The following FSIP1 variants were observed in gnomAD, a reference collection of about 807,000 sequenced individuals.
FSIP1 encodes the protein fibrous sheath interacting protein 1, also known as fibrous sheath-interacting protein 1.
In FSIP1, 65 loss-of-function variants were observed where a neutral mutation model predicts 60.9. The observed-to-expected ratio is 1.07, with a 90% CI of 0.87 to 1.31. The LOEUF is 1.31. Ranked by LOEUF, FSIP1 falls within the 40% of genes most tolerant of loss-of-function variation. The pLI is 0.00. For missense variants in FSIP1, 675 were observed against 665.5 expected (o/e 1.01, Z -0.16); for synonymous variants, 209 against 221.2 (o/e 0.94, Z 0.49).
intron 10 of FSIP1, among the ~76,000 whole-genome samples, chr15:39,627,320 T>G (rs1470666823): frequency 3.9e-5 from 6 of 152,220 alleles, no homozygotes; most frequent in Non-Finnish European, 8.8e-5. Context: ...CCATGGCCCC[T>G]CAAGTCACCC....
chr15:39,740,944 A>G (rs1203127875), intron 6 of FSIP1, among the ~76,000 whole-genome samples: 1 of 152,026 alleles, frequency 6.6e-6, no homozygotes, highest in African/African-American at 2.4e-5. Context: ...AGGCAAATAA[A>G]CCTATGCTTT....
chr15:39,626,674 T>C (rs968547090), intron 10 of FSIP1, among the ~76,000 whole-genome samples: 2 of 152,200 alleles, frequency 1.3e-5, no homozygotes, highest in African/African-American at 2.4e-5. Context: ...CCGTGTGCTC[T>C]CTCTCTTGCC....
chr15:39,744,777 T>TCACACACACACACA (rs55691651), intron 5 of FSIP1, among the ~76,000 whole-genome samples: 3,449 of 137,978 alleles, frequency 0.025, 126 homozygotes, highest in Admixed American at 0.065. Flanking sequence ...TCCCCCTCAG[T>TCACACACACACACA]CACACACACA....
intron 10 of FSIP1, among the ~76,000 whole-genome samples, chr15:39,633,469 T>A (rs1022784824): frequency 1.3e-5 from 2 of 152,170 alleles, no homozygotes; most frequent in Non-Finnish European, 2.9e-5. Flanking sequence ...CTTAACTGAA[T>A]TCAACAGTTA....
At chr15:39,682,721 T>C (rs972247183) in intron 10 of FSIP1, among the ~76,000 whole-genome samples, 3 of 152,226 alleles carry the variant, frequency 2.0e-5, no homozygotes, top group African/African-American at 7.2e-5. Flanking sequence ...CCAAAATAAA[T>C]TGCAATTTAA....
At chr15:39,780,639 C>T (rs960570657) in intron 1 of FSIP1, among the ~76,000 whole-genome samples, 5 of 152,210 alleles carry the variant, frequency 3.3e-5, no homozygotes, top group Non-Finnish European at 1.5e-5. Context: ...CATCAGTTCA[C>T]TTAGGTGGTA....
intron 6 of FSIP1, 105 bp downstream of exon 6, chr15:39,741,700 T>C: frequency 1.6e-6 from 1 of 629,728 alleles, no homozygotes; most frequent in Non-Finnish European, 2.8e-6. Flanking sequence ...TGCTTCCACT[T>C]ACCTTTGGAT....
intron 11 of FSIP1, among the ~76,000 whole-genome samples, chr15:39,616,646 T>C (rs1891241833): frequency 1.3e-5 from 2 of 152,114 alleles, no homozygotes; most frequent in African/African-American, 4.8e-5. Context: ...TACTTAGAGA[T>C]TGATTAGGAA....
At chr15:39,639,582 C>T (rs981001046) in intron 10 of FSIP1, among the ~76,000 whole-genome samples, 1 of 152,190 alleles carries the variant, frequency 6.6e-6, no homozygotes, top group African/African-American at 2.4e-5. Context: ...AGTGAATATG[C>T]TAGGGTTTCT....
At chr15:39,680,524 A>G (rs1425290328) in intron 10 of FSIP1, among the ~76,000 whole-genome samples, 1 of 152,192 alleles carries the variant, frequency 6.6e-6, no homozygotes, top group Non-Finnish European at 1.5e-5. Context: ...ATTACGCACA[A>G]CTTCTCAGTC....
At chr15:39,672,394 G>A (rs1014447631) in intron 10 of FSIP1, among the ~76,000 whole-genome samples, 1 of 152,224 alleles carries the variant, frequency 6.6e-6, no homozygotes, top group Admixed American at 6.5e-5. Flanking sequence ...GCTTGGCTGT[G>A]AGCAACACTA....
chr15:39,678,289 T>A (rs1446612878), intron 10 of FSIP1, among the ~76,000 whole-genome samples: 2 of 152,054 alleles, frequency 1.3e-5, no homozygotes, highest in East Asian at 3.8e-4. Context: ...ACATACTCCA[T>A]TTGCGTATGT....
chr15:39,619,439 A>G (rs1470905566), intron 10 of FSIP1, among the ~76,000 whole-genome samples: 1 of 152,226 alleles, frequency 6.6e-6, no homozygotes, highest in Admixed American at 6.5e-5. Flanking sequence ...TTCAAAATTC[A>G]GGTGACTGAC....
intron 10 of FSIP1, among the ~76,000 whole-genome samples, chr15:39,682,814 A>C (rs1894219964): frequency 6.6e-6 from 1 of 152,204 alleles, no homozygotes; most frequent in Non-Finnish European, 1.5e-5. Context: ...AATTGCAAAA[A>C]CTTTTAATAG....
At chr15:39,622,515 C>T (rs952604222) in intron 10 of FSIP1, among the ~76,000 whole-genome samples, 18 of 152,212 alleles carry the variant, frequency 1.2e-4, no homozygotes, top group African/African-American at 4.3e-4. Context: ...GGTTGGCACA[C>T]TAGGTTATGT....
At chr15:39,672,297 C>T (rs1323828147) in intron 10 of FSIP1, among the ~76,000 whole-genome samples, 2 of 152,176 alleles carry the variant, frequency 1.3e-5, no homozygotes, top group African/African-American at 4.8e-5. Flanking sequence ...AGCAGTGCTC[C>T]ATGAAGAGGC....
chr15:39,756,370 T>TTTTG (rs773212415), intron 5 of FSIP1, among the ~76,000 whole-genome samples: 1 of 152,140 alleles, frequency 6.6e-6, no homozygotes, highest in Non-Finnish European at 1.5e-5. Flanking sequence ...AAGGTTAATT[T>TTTTG]TTTGTTTGTT....
chr15:39,739,527 T>C, intron 7 of FSIP1, 138 bp downstream of exon 7: 2 of 753,804 alleles, frequency 2.7e-6, no homozygotes, highest in East Asian at 3.0e-5. Flanking sequence ...AAAAGTTTTC[T>C]TTCATTATAT....
intron 10 of FSIP1, among the ~76,000 whole-genome samples, chr15:39,623,274 T>C (rs1171792436): frequency 1.3e-5 from 2 of 152,212 alleles, no homozygotes; most frequent in Non-Finnish European, 2.9e-5. Flanking sequence ...GCAATCAAGA[T>C]TATGTCCCTG....
Sources: gnomAD v4.1 joint callset for allele counts (sites outside exome capture counted in the v4.1 genomes callset) on GRCh38, gnomAD v4.1.1 for gene constraint, MANE v1.5 for transcripts, NCBI Gene and HGNC (gene_info 2026-07-23, HGNC 2026-07-21) for gene names.